Variants in CRYBG1 observed in about 807,000 individuals in gnomAD.
CRYBG1 encodes the protein crystallin beta-gamma domain containing 1, also known as beta/gamma crystallin domain-containing protein 1.
Under a neutral mutation model 189.2 loss-of-function variants are expected in CRYBG1, and 139 were observed. The ratio of observed to expected loss-of-function variants is 0.73; its 90% CI spans 0.64 to 0.85. CRYBG1 has a LOEUF of 0.85. Ranked by LOEUF, CRYBG1 falls within the 40% of genes least tolerant of loss-of-function variation. CRYBG1 has a pLI of 0.00. For missense variants in CRYBG1, 2,611 were observed against 2,675.8 expected (o/e 0.98, Z 0.53); for synonymous variants, 1,023 against 1,017.1 (o/e 1.01, Z -0.11).
chr6:106,413,851 T>A (rs1770975681), intron 1 of CRYBG1, among the ~76,000 whole-genome samples: 1 of 152,192 alleles, frequency 6.6e-6, no homozygotes, highest in Non-Finnish European at 1.5e-5. Context: ...AGAAACCACA[T>A]ACAATTGGAC....
chr6:106,475,379 G>A (rs769681554), intron 2 of CRYBG1, among the ~76,000 whole-genome samples: 2 of 152,170 alleles, frequency 1.3e-5, no homozygotes, highest in African/African-American at 2.4e-5. Context: ...TGAAATCAGT[G>A]TTACCAGTGA....
At chr6:106,530,457 C>G (rs952302947) in intron 8 of CRYBG1, 142 bp downstream of exon 8, 2 of 738,856 alleles carry the variant, frequency 2.7e-6, no homozygotes, top group African/African-American at 1.8e-5. Context: ...TTATAAGGCA[C>G]GTAAAATTCT....
At chr6:106,370,930 A>C (rs1770012909) in intron 1 of CRYBG1, among the ~76,000 whole-genome samples, 1 of 152,098 alleles carries the variant, frequency 6.6e-6, no homozygotes, top group African/African-American at 2.4e-5. Flanking sequence ...TTCAGCCAGC[A>C]CCTATAGTCT....
chr6:106,377,288 C>T (rs765850810), intron 1 of CRYBG1, among the ~76,000 whole-genome samples: 32 of 150,954 alleles, frequency 2.1e-4, no homozygotes, highest in Non-Finnish European at 4.4e-4. Context: ...GTTTTGTGAG[C>T]TGAATGGATA....
At chr6:106,405,225 T>G (rs1258546379) in intron 1 of CRYBG1, among the ~76,000 whole-genome samples, 5 of 152,184 alleles carry the variant, frequency 3.3e-5, no homozygotes, top group African/African-American at 9.6e-5. Flanking sequence ...TGCTGAGGCA[T>G]GAGTAGGCAG....
chr6:106,570,609 C>T lies in CRYBG1; in HGVS notation c.*2043C>T, dbSNP rs1166178332. 1 of 152,152 alleles carries T rather than the reference C, an allele frequency of 6.6e-6. No homozygotes were observed. The highest frequency in any genetic ancestry group is 1.5e-5 in the Non-Finnish European group (1 of 68,032). 9.4% of individuals were successfully genotyped at this position (152,152 alleles called of 1,614,324 possible). ...TTGCTGACCACTCTCTTTCCAAACT[C>T]CATAGTTTCTGAGTGGAAACGAGGA... On this transcript the variant is annotated 3_prime_UTR_variant, in exon 22 of 22. Coordinates refer to ENST00000633556, the MANE Select transcript of CRYBG1 (RefSeq NM_001371242.2).
intron 2 of CRYBG1, among the ~76,000 whole-genome samples, chr6:106,496,335 T>C (rs1352948347): frequency 2.0e-5 from 3 of 152,248 alleles, no homozygotes; most frequent in Non-Finnish European, 2.9e-5. Flanking sequence ...TCCTTTTCTT[T>C]GTTAATAGTT....
chr6:106,371,519 A>C (rs1166821832), intron 1 of CRYBG1, among the ~76,000 whole-genome samples: 5 of 152,214 alleles, frequency 3.3e-5, no homozygotes, highest in African/African-American at 7.2e-5. Flanking sequence ...TCAGCAAAAC[A>C]AGAAAATGTA....
Position 106,512,522 on chromosome 6 carries a change from TCTCCGCGGGCAGCCCTCGACGGG to T in CRYBG1, c.1406_1428del (p.Ser469TrpfsTer142). The T allele has an allele frequency of 6.2e-7, 1 of 1,609,702 alleles. No individual in the cohort carries two copies. The highest frequency in any genetic ancestry group is 8.5e-7 in the Non-Finnish European group (1 of 1,178,634). On this transcript the variant is annotated frameshift_variant, in exon 3 of 22. Transcript: ENST00000633556. LOFTEE classifies it high-confidence loss of function. Reference sequence around the variant, plus strand: ...CGCCTCGGCGGAAAAGAAAGTGAAATCTCCGCGGGCAGCCCTCGACGGGGGCGTTGCCTCCGCTGCGAGCCCAG... The same window carrying T: ...CGCCTCGGCGGAAAAGAAAGTGAAATGGCGTTGCCTCCGCTGCGAGCCCAG...
chr6:106,543,665 TC>T, intron 11 of CRYBG1, 68 bp downstream of exon 11: 2 of 1,507,902 alleles, frequency 1.3e-6, no homozygotes, highest in Non-Finnish European at 9.0e-7. Flanking sequence ...ATGTGCCCTT[TC>T]CCCCCTAAAA....
Position 106,512,643 on chromosome 6 carries a change from C to A in CRYBG1, c.1526C>A (p.Ala509Asp). 1 of 1,587,886 alleles carries A rather than the reference C, an allele frequency of 6.3e-7. No individual in the cohort carries two copies. Among genetic ancestry groups the A allele is most frequent in the Non-Finnish European group, 8.6e-7 (1 of 1,168,064 alleles). Reference protein sequence around the residue: ...ESDRSKQPPPASSPTKRKGRS... With the variant: ...ESDRSKQPPPDSSPTKRKGRS... ...GACCGGAGCAAACAGCCACCCCCGGCTTCGTCCCCCACGAAGAGGAAGGGC... is the reference window on the plus strand; with the variant it reads ...GACCGGAGCAAACAGCCACCCCCGGATTCGTCCCCCACGAAGAGGAAGGGC... Residue 509 changes from alanine to aspartate, a missense_variant, in exon 3 of 22, where the codon GCT becomes GAT. By Grantham distance (126) the Ala-to-Asp change is moderately radical. Transcript: ENST00000633556.
intron 1 of CRYBG1, among the ~76,000 whole-genome samples, chr6:106,429,003 C>T (rs148865503): frequency 2.6e-4 from 40 of 152,304 alleles, no homozygotes; most frequent in African/African-American, 8.7e-4. Context: ...AGCTGCTGTT[C>T]ACTTGGTATT....
intron 2 of CRYBG1, among the ~76,000 whole-genome samples, chr6:106,495,199 AGCTCTGGGAGAGAGCCGGCTCTG>A (rs1243256535): frequency 3.3e-5 from 5 of 152,206 alleles, no homozygotes; most frequent in African/African-American, 7.2e-5. Flanking sequence ...TCTGTCATTC[AGCTCTGGGAGAGAGCCGGCTCTG>A]GCTCTGGGAG....
chr6:106,491,724 C>T (rs1772726594), intron 2 of CRYBG1, among the ~76,000 whole-genome samples: 1 of 152,122 alleles, frequency 6.6e-6, no homozygotes, highest in Non-Finnish European at 1.5e-5. Context: ...TCTAGGTCCT[C>T]ATCCACTTGG....
rs34366986 is a variant in CRYBG1, at chr6:106,566,167, G to GAAAAAAAA, written c.6301+2250_6301+2257dup. On this transcript the variant is annotated intron_variant, in intron 21 of 21. Transcript: ENST00000633556. ...TGCTAGACACGGAGGGCACCAGCGT[G>GAAAAAAAA]AAAAAAAAAAAAAAAAGCCTCCTCC... Among the ~76,000 whole-genome samples, 7 of 123,930 alleles carry GAAAAAAAA rather than the reference G, an allele frequency of 5.6e-5. 1 individual carries two copies. The highest frequency in any genetic ancestry group is 1.8e-4 in the African/African-American group (6 of 33,992). The allele number at this position is 123,930 out of a possible 152,430, so 81.3% of individuals were successfully genotyped here. A position where few individuals can be genotyped will look rare whatever the true frequency, so the allele number is the denominator to read the frequency against.
intron 8 of CRYBG1, 71 bp from the exon 9 acceptor site, chr6:106,539,332 C>A (rs1359850553): frequency 6.4e-7 from 1 of 1,571,446 alleles, no homozygotes; most frequent in Non-Finnish European, 8.7e-7. Flanking sequence ...ATCCTGGGTA[C>A]CAGACAGAAG....
intron 1 of CRYBG1, among the ~76,000 whole-genome samples, chr6:106,386,092 T>C (rs1408202271): frequency 6.6e-6 from 1 of 152,240 alleles, no homozygotes; most frequent in Non-Finnish European, 1.5e-5. Flanking sequence ...CTTCATTGGA[T>C]AGCCAGTCAC....
At chr6:106,384,341 C>T (rs1041375771) in intron 1 of CRYBG1, among the ~76,000 whole-genome samples, 3 of 152,164 alleles carry the variant, frequency 2.0e-5, no homozygotes, top group East Asian at 3.9e-4. Context: ...AAGACGGGGA[C>T]GGGGATGGTT....
In CRYBG1 at chr6:106,511,705, G is replaced by A. The variant is rs767671084; in HGVS notation, c.588G>A (p.Glu196=). The A allele has an allele frequency of 6.5e-7, 1 of 1,535,670 alleles. No homozygotes were observed. The highest frequency in any genetic ancestry group is 1.2e-5 in the South Asian group (1 of 84,038). ...PRENPREAEG[E]LPESGGPAAP... The stretch of plus-strand genomic sequence containing the variant: ...AGAATCCCCGAGAGGCAGAGGGCGA[G>A]CTCCCCGAGAGCGGTGGCCCCGCAG... Residue 196 remains glutamate (E), a synonymous_variant, in exon 3 of 22, where the codon GAG becomes GAA. Transcript: ENST00000633556.
Sources: gnomAD v4.1 joint callset for allele counts (sites outside exome capture counted in the v4.1 genomes callset) on GRCh38, gnomAD v4.1.1 for gene constraint, MANE v1.5 for transcripts, NCBI Gene and HGNC (gene_info 2026-07-23, HGNC 2026-07-21) for gene names.